Variants in PKP4 observed in about 807,000 individuals in gnomAD.
PKP4 encodes the protein plakophilin 4, also known as plakophilin-4.
PKP4 carries 90 observed loss-of-function variants against 145.1 expected under a neutral mutation model. That is an observed-to-expected ratio of 0.62 (90% confidence interval 0.52 to 0.74). The LOEUF is 0.74. PKP4 is among the 30% of genes least tolerant of loss of function. PKP4 has a pLI of 0.00. For missense variants in PKP4, 1,340 were observed against 1,482.7 expected, an observed-to-expected ratio of 0.90 and a Z score of 1.58; for synonymous variants, 563 against 577.2, an observed-to-expected ratio of 0.98 and a Z score of 0.35.
intron 15 of PKP4, 134 bp downstream of exon 15, chr2:158,663,579 A>AG: frequency 1.4e-6 from 1 of 692,094 alleles, no homozygotes; most frequent in South Asian, 2.0e-5. Context: ...TTGTGTGTGA[A>AG]GGGGTTAAAG....
intron 3 of PKP4, among the ~76,000 whole-genome samples, chr2:158,587,870 CTTATATA>C (rs1036756869): frequency 4.6e-5 from 7 of 150,962 alleles, no homozygotes; most frequent in South Asian, 4.2e-4. Flanking sequence ...ATATACAGTA[CTTATATA>C]TTATATACAT....
At chr2:158,523,289 C>G (rs939104541) in intron 1 of PKP4, among the ~76,000 whole-genome samples, 142 of 143,872 alleles carry the variant, frequency 9.9e-4, no homozygotes, top group Middle Eastern at 3.5e-3. Flanking sequence ...GATCTGAGAA[C>G]GGGCAGACTA....
At chr2:158,558,242 T>C (rs1484987222) in intron 2 of PKP4, among the ~76,000 whole-genome samples, 3 of 152,192 alleles carry the variant, frequency 2.0e-5, no homozygotes, top group Non-Finnish European at 4.4e-5. Flanking sequence ...AGGTAGCACA[T>C]AGTACATGCT....
Position 158,530,500 on chromosome 2 carries a change from C to CTTCCTTTTTTTT in PKP4, c.-5-2678_-5-2677insCCTTTTTTTTTT, listed in dbSNP as rs1559281012. Among the ~76,000 whole-genome samples, 2 of 83,728 alleles carry CTTCCTTTTTTTT rather than the reference C, an allele frequency of 2.4e-5. 1 individual carries two copies. The highest frequency in any genetic ancestry group is 4.4e-5 in the Non-Finnish European group (2 of 45,210). 54.9% of individuals were successfully genotyped at this position (83,728 alleles called of 152,430 possible). On this transcript the variant is annotated intron_variant, in intron 1 of 21. Coordinates refer to ENST00000389759, the MANE Select transcript of PKP4 (RefSeq NM_003628.6). ...TCTCTTTACGATAGAAGTACTCTTT[C>CTTCCTTTTTTTT]TTTCTTTTTTTTTTTTTTTTTTTTT...
intron 1 of PKP4, among the ~76,000 whole-genome samples, chr2:158,497,964 C>T (rs930861262): frequency 6.6e-5 from 10 of 152,014 alleles, no homozygotes; most frequent in African/African-American, 1.9e-4. Context: ...TCTGGTGTTT[C>T]GTAAGTATGA....
At chr2:158,550,142 G>GCT (rs2045476149) in intron 2 of PKP4, among the ~76,000 whole-genome samples, 3 of 100,986 alleles carry the variant, frequency 3.0e-5, no homozygotes, top group Non-Finnish European at 2.8e-5. Context: ...CTGCCAAGAA[G>GCT]AAGTTAAACA....
chr2:158,525,546 T>G (rs2042836210), intron 1 of PKP4, among the ~76,000 whole-genome samples: 2 of 45,694 alleles, frequency 4.4e-5, no homozygotes, highest in Non-Finnish European at 7.8e-5. Context: ...GATCCAAAAT[T>G]GACACCCTAA....
intron 11 of PKP4, among the ~76,000 whole-genome samples, chr2:158,656,937 GCAGTGCT>G (rs1558962745): frequency 6.6e-6 from 1 of 152,164 alleles, no homozygotes; most frequent in African/African-American, 2.4e-5. Flanking sequence ...AGCTGGAGCA[GCAGTGCT>G]CAGTCTTGTC....
intron 4 of PKP4, among the ~76,000 whole-genome samples, chr2:158,614,342 A>C (rs145784357): frequency 6.6e-6 from 1 of 152,234 alleles, no homozygotes; most frequent in South Asian, 2.1e-4. Flanking sequence ...CAAGGCAAAA[A>C]TGGTGTGCTG....
At chr2:158,658,873 C>T (rs2056256205) in intron 12 of PKP4, 1 of 152,508 alleles carries the variant, frequency 6.6e-6, no homozygotes, top group South Asian at 2.1e-4. Flanking sequence ...ACCCTATTTC[C>T]CAGCCTTACA....
intron 2 of PKP4, among the ~76,000 whole-genome samples, chr2:158,568,949 G>A (rs1574530963): frequency 1.3e-5 from 2 of 152,232 alleles, no homozygotes; most frequent in South Asian, 4.2e-4. Flanking sequence ...CTCCAGCCTG[G>A]GCGACAGAGT....
At chr2:158,633,944 C>G (rs917242) in intron 8 of PKP4, 126 bp from the exon 9 acceptor site, 6 of 594,252 alleles carry the variant, frequency 1.0e-5, no homozygotes, top group Middle Eastern at 4.5e-4. Context: ...ATTTTAAAAT[C>G]TAAAAGTAAG....
chr2:158,491,957 C>T (rs1695004989), intron 1 of PKP4, among the ~76,000 whole-genome samples: 1 of 151,980 alleles, frequency 6.6e-6, no homozygotes, highest in South Asian at 2.1e-4. Flanking sequence ...CACAGGTGCG[C>T]ATCACCATGC....
chr2:158,541,943 ACT>A (rs1171830421), intron 2 of PKP4, among the ~76,000 whole-genome samples: 2 of 152,024 alleles, frequency 1.3e-5, no homozygotes, highest in Non-Finnish European at 2.9e-5. Context: ...AGAATTAATA[ACT>A]CTTACTATTT....
chr2:158,507,662 C>T (rs1278843028), intron 1 of PKP4, among the ~76,000 whole-genome samples: 2 of 152,014 alleles, frequency 1.3e-5, no homozygotes, highest in Non-Finnish European at 2.9e-5. Context: ...CTTTTGTGAC[C>T]ATCACATTAC....
chr2:158,670,657 C>T (rs529797601), intron 17 of PKP4, among the ~76,000 whole-genome samples: 3 of 152,296 alleles, frequency 2.0e-5, no homozygotes, highest in Non-Finnish European at 2.9e-5. Context: ...TCTGCAGGAA[C>T]GTCTTCTTGA....
rs1688833879 is a variant in PKP4, at chr2:158,456,977, C to G, written c.-247C>G. 1 of 151,272 alleles carries G rather than the reference C, an allele frequency of 6.6e-6. No homozygotes were observed. The allele number at this position is 151,272 out of a possible 1,614,324, so 9.4% of individuals were successfully genotyped here. ...AGTAGAGGGGGCTCCGGGGCTGAGT[C>G]CGCGTCGACGCCGGCCGCGGAGGCG... On this transcript the variant is annotated 5_prime_UTR_variant, in exon 1 of 22. Coordinates refer to ENST00000389759, the MANE Select transcript of PKP4 (RefSeq NM_003628.6).
chr2:158,527,005 A>AACAAACAAATGGAAGAAG (rs2043012739), intron 1 of PKP4, among the ~76,000 whole-genome samples: 1 of 123,778 alleles, frequency 8.1e-6, no homozygotes, highest in Non-Finnish European at 1.7e-5. Context: ...CAAATGGAAG[A>AACAAACAAATGGAAGAAG]ACATTCCATG....
intron 1 of PKP4, among the ~76,000 whole-genome samples, chr2:158,483,462 T>C (rs1034681584): frequency 6.6e-6 from 1 of 152,114 alleles, no homozygotes; most frequent in Admixed American, 6.5e-5. Flanking sequence ...GATGATCTTA[T>C]ATAAGTTTCA....
Sources: gnomAD v4.1 joint callset for allele counts (sites outside exome capture counted in the v4.1 genomes callset) on GRCh38, gnomAD v4.1.1 for gene constraint, MANE v1.5 for transcripts, NCBI Gene and HGNC (gene_info 2026-07-23, HGNC 2026-07-21) for gene names.